MAU2: variants seen among roughly 807,000 people sequenced by gnomAD.
The protein encoded by MAU2 is MAU2 chromatid cohesion factor homolog.
In MAU2, 9 loss-of-function variants were observed where a neutral mutation model predicts 89.1. The ratio of observed to expected loss-of-function variants is 0.10; its 90% CI spans 0.06 to 0.18. MAU2 has a LOEUF of 0.18. Ranked by LOEUF, MAU2 falls within the 10% of genes least tolerant of loss-of-function variation. The pLI is 1.00. For synonymous variants in MAU2, 357 were observed against 343.4 expected (o/e 1.04, Z -0.44); for missense variants, 425 against 803.5 (o/e 0.53, Z 5.69).
At position 19,340,341 on chromosome 19, in the gene MAU2, T is replaced by TA. The variant is rs968954522; in HGVS notation, c.552-497dup. Among the ~76,000 whole-genome samples the TA allele has an allele frequency of 4.6e-5, 6 of 131,458 alleles. No homozygotes were observed. The South Asian group carries it at 7.2e-4, about 16-fold the overall frequency. The allele number at this position is 131,458 out of a possible 152,430, so 86.2% of individuals were successfully genotyped here. ...GAGTGAGACTCTAAGAAAAAAATAA[T>TA]AAAAAAAATAAAAACAGGCCGGGCG... is the stretch of plus-strand genomic sequence containing the variant. On this transcript the variant is annotated intron_variant, in intron 5 of 18. Coordinates refer to ENST00000262815, the MANE Select transcript of MAU2 (RefSeq NM_015329.4).
chr19:19,338,538 T>C (rs2061614974), intron 4 of MAU2, among the ~76,000 whole-genome samples: 1 of 152,232 alleles, frequency 6.6e-6, no homozygotes, highest in South Asian at 2.1e-4. Context: ...CAGCCTTAGG[T>C]GCTCACACAG....
At position 19,345,448 on chromosome 19, in the gene MAU2, C is replaced by G. The variant is rs186225883; in HGVS notation, c.1221+79C>G. On this transcript the variant is annotated intron_variant, in intron 12 of 18. Transcript: ENST00000262815. The surrounding 1 kb of genome is among the most constrained non-coding windows in gnomAD (Gnocchi z 4.9). ...AGTCGGGCGTGGTCTGTGATGAGGA[C>G]AGCAGTCGCGCTAGGTCAGCTATGC... is the stretch of plus-strand genomic sequence containing the variant. 5 of 1,398,452 alleles carry G rather than the reference C, an allele frequency of 3.6e-6. No homozygotes were observed. In the African/African-American group the frequency reaches 5.6e-5, roughly 16 times the overall value. 86.6% of individuals were successfully genotyped at this position (1,398,452 alleles called of 1,614,324 possible). A position where few individuals can be genotyped will look rare whatever the true frequency, so the allele number is the denominator to read the frequency against.
At position 19,349,142 on chromosome 19, in the gene MAU2, A is replaced by C; in HGVS notation, c.1359-13A>C. The stretch of plus-strand genomic sequence containing the variant: ...AAATCACCACCCCATGTGATACTGC[A>C]CTCTCCCTGCAGCTCGCACTGCCTC... On this transcript the variant is annotated splice_polypyrimidine_tract_variant and intron_variant, in intron 14 of 18. Transcript: ENST00000262815. 1 of 1,613,342 alleles carries C rather than the reference A, an allele frequency of 6.2e-7. No homozygotes were observed. Among genetic ancestry groups the C allele is most frequent in the Non-Finnish European group, 8.5e-7 (1 of 1,179,830 alleles).
At chr19:19,334,334 G>A (rs1447223297) in intron 1 of MAU2, 6 of 985,590 alleles carry the variant, frequency 6.1e-6, no homozygotes, top group East Asian at 1.1e-4. Context: ...GGGCTCCTGC[G>A]TGTGGGTGCA....
At chr19:19,348,821 C>T (rs1487329815) in intron 13 of MAU2, 68 bp from the exon 14 acceptor site, 2 of 1,518,908 alleles carry the variant, frequency 1.3e-6, no homozygotes, top group Non-Finnish European at 1.8e-6. Context: ...CCATGCACTG[C>T]AGTGTGTCTT....
At chr19:19,354,047 T>C (rs2061764921) in intron 16 of MAU2, 1 of 431,976 alleles carries the variant, frequency 2.3e-6, no homozygotes, top group Non-Finnish European at 4.3e-6. Context: ...ATTGTGGGTC[T>C]AGGGCTAACG....
intron 3 of MAU2, among the ~76,000 whole-genome samples, chr19:19,336,425 G>C (rs565845354): frequency 1.3e-5 from 2 of 151,958 alleles, no homozygotes; most frequent in Non-Finnish European, 2.9e-5. Context: ...TCAGCCTCCC[G>C]AGCAGCTGGG....
chr19:19,344,825 T>C, intron 10 of MAU2, 24 bp from the exon 11 acceptor site: 1 of 1,606,094 alleles, frequency 6.2e-7, no homozygotes, highest in East Asian at 2.2e-5. Context: ...AGTCCTGTGA[T>C]GGCAGTACAC....
chr19:19,349,444 C>T lies in MAU2; in HGVS notation c.1548+8C>T, dbSNP rs1348907299. ...GTGCTGGGAAACCACAGGGTGAGTGCCCTGGCCTGGGCCCCTCGCTTGGGT... is the reference window on the plus strand; with the variant it reads ...GTGCTGGGAAACCACAGGGTGAGTGTCCTGGCCTGGGCCCCTCGCTTGGGT... On this transcript the variant is annotated splice_region_variant and intron_variant, in intron 16 of 18. Coordinates refer to ENST00000262815, the MANE Select transcript of MAU2 (RefSeq NM_015329.4). 1.8e-5 allele frequency: 29 copies of T among 1,612,134 alleles called. No individual in the cohort carries two copies. Among genetic ancestry groups the T allele is most frequent in the Non-Finnish European group, 2.3e-5 (27 of 1,178,862 alleles).
chr19:19,355,220 G>A (rs1382751687), intron 17 of MAU2, 44 bp from the exon 18 acceptor site: 32 of 1,612,164 alleles, frequency 2.0e-5, no homozygotes, highest in Non-Finnish European at 2.7e-5. Context: ...GGCCTGGGCA[G>A]TGACAGGGCA....
intron 4 of MAU2, 62 bp downstream of exon 4, chr19:19,337,327 GC>G: frequency 7.4e-7 from 1 of 1,345,090 alleles, no homozygotes; most frequent in Non-Finnish European, 1.1e-6. Context: ...GGGCACACCT[GC>G]CCCATTTGCA....
intron 1 of MAU2, among the ~76,000 whole-genome samples, 184 bp downstream of exon 1, chr19:19,321,319 C>A (rs985644315): frequency 6.6e-6 from 1 of 152,160 alleles, no homozygotes; most frequent in African/African-American, 2.4e-5. Flanking sequence ...TCAAGGGACA[C>A]GAAAGCCTCG....
Position 19,338,828 on chromosome 19 carries a change from C to T in MAU2, c.457-17C>T, listed in dbSNP as rs1468582071. ...ATGGGTTTGGCAGCAAAGGTCACTGCTCTCTTTCCTTTTTAGCAACTGCAC... is the reference window on the plus strand; with the variant it reads ...ATGGGTTTGGCAGCAAAGGTCACTGTTCTCTTTCCTTTTTAGCAACTGCAC... On this transcript the variant is annotated splice_polypyrimidine_tract_variant and intron_variant, in intron 4 of 18. Transcript: ENST00000262815. The T allele has an allele frequency of 6.3e-7, 1 of 1,599,052 alleles. No homozygotes were observed.
chr19:19,337,357 GAT>G lies in MAU2; in HGVS notation c.456+93_456+94del. ...ATTTGCAAAGAACAGCAGAGTCCACGATGCGCAGACCCCCTCGGGCTGGCACA... is the reference window on the plus strand; with the variant it reads ...ATTTGCAAAGAACAGCAGAGTCCACGGCGCAGACCCCCTCGGGCTGGCACA... On this transcript the variant is annotated intron_variant, in intron 4 of 18. Transcript: ENST00000262815. 3 of 997,140 alleles carry G rather than the reference GAT, an allele frequency of 3.0e-6. No homozygotes were observed. The South Asian group carries it at 4.0e-5, about 13-fold the overall frequency. 61.8% of individuals were successfully genotyped at this position (997,140 alleles called of 1,614,324 possible). A position where few individuals can be genotyped will look rare whatever the true frequency, so the allele number is the denominator to read the frequency against.
intron 1 of MAU2, among the ~76,000 whole-genome samples, chr19:19,331,708 C>G (rs1472877542): frequency 6.6e-6 from 1 of 152,010 alleles, no homozygotes; most frequent in Non-Finnish European, 1.5e-5. Flanking sequence ...TCAAGACCAG[C>G]CTGTGCAGCA....
intron 1 of MAU2, chr19:19,334,248 C>A: frequency 1.0e-6 from 1 of 985,566 alleles, no homozygotes; most frequent in Non-Finnish European, 1.2e-6. Flanking sequence ...TCTGAGGACC[C>A]CGAGCCCCTC....
chr19:19,346,982 G>T (rs1463389647), intron 12 of MAU2: 1 of 350,644 alleles, frequency 2.9e-6, no homozygotes, highest in Non-Finnish European at 5.3e-6. Flanking sequence ...CCAGGTCTCA[G>T]TCCTGAGAGA....
In MAU2 at chr19:19,321,046, A is replaced by T. The variant is rs770904152; in HGVS notation, c.187A>T (p.Ile63Phe). The change falls in exon 1 of 19, where the codon ATC becomes TTC. Residue 63 changes from isoleucine (I) to phenylalanine (F), a missense_variant. Ile to Phe is a conservative substitution (Grantham distance 21). Transcript: ENST00000262815. ...GTTCCCCTTCAAGCCGCCGCAGCGC[A>T]TCGAGGCCCGTACACACCTGCAGCT... ...AVFPFKPPQR[I>F]EARTHLQLGS... is the part of the protein sequence containing the mutation. The T allele has an allele frequency of 1.2e-6, 2 of 1,612,982 alleles. No individual in the cohort carries two copies. The highest frequency in any genetic ancestry group is 1.7e-6 in the Non-Finnish European group (2 of 1,179,578).
At chr19:19,325,592 A>G (rs550622917) in intron 1 of MAU2, among the ~76,000 whole-genome samples, 2 of 152,122 alleles carry the variant, frequency 1.3e-5, no homozygotes, top group Non-Finnish European at 2.9e-5. Flanking sequence ...CGATTCTCCT[A>G]CCACAACCTC....
Sources: gnomAD v4.1 joint callset for allele counts (sites outside exome capture counted in the v4.1 genomes callset) on GRCh38, gnomAD v4.1.1 for gene constraint, Gnocchi (gnomAD v3.1) non-coding constraint, MANE v1.5 for transcripts, NCBI Gene and HGNC (gene_info 2026-07-23, HGNC 2026-07-21) for gene names.